The following EPAS1 variants were observed in gnomAD, a reference collection of about 807,000 sequenced individuals.
EPAS1 encodes the protein endothelial PAS domain protein 1.
EPAS1 carries 23 observed loss-of-function variants against 87.9 expected under a neutral mutation model. The ratio of observed to expected loss-of-function variants is 0.26; its 90% CI spans 0.19 to 0.37. The LOEUF (loss-of-function observed/expected upper bound fraction) is 0.37, where lower values mean the gene tolerates loss of function less well. EPAS1 is among the 10% of genes least tolerant of loss of function. The pLI is 1.00. For synonymous variants in EPAS1, 508 were observed against 444.3 expected (o/e 1.14, Z -1.80); for missense variants, 1,138 against 1,120.7 (o/e 1.02, Z -0.22).
chr2:46,359,281 A>AAAAAAAAAAAAAAAAC (rs1684337972), intron 4 of EPAS1, among the ~76,000 whole-genome samples: 1 of 148,862 alleles, frequency 6.7e-6, no homozygotes, highest in Non-Finnish European at 1.5e-5. Flanking sequence ...AAAAAAAAAA[A>AAAAAAAAAAAAAAAAC]GATCAAATGT....
At position 46,380,143 on chromosome 2, in the gene EPAS1, T is replaced by C. The variant is rs973129579; in HGVS notation, c.1555-84T>C. 5 of 1,594,930 alleles carry C rather than the reference T, an allele frequency of 3.1e-6. No homozygotes were observed. Among genetic ancestry groups the C allele is most frequent in the Non-Finnish European group, 4.3e-6 (5 of 1,176,354 alleles). ...ACTGTGAAACAGTGCTTGAGATGAATGGCTCTGCAGGAGCTGAGTTGGAAT... is the reference window on the plus strand; with the variant it reads ...ACTGTGAAACAGTGCTTGAGATGAACGGCTCTGCAGGAGCTGAGTTGGAAT... On this transcript the variant is annotated intron_variant, in intron 11 of 15. Coordinates refer to ENST00000263734, the MANE Select transcript of EPAS1 (RefSeq NM_001430.5). This position sits in a 1 kb window ranked among gnomAD's most constrained non-coding sequence, Gnocchi z 4.4.
At chr2:46,376,969 C>A (rs916190687) in intron 9 of EPAS1, among the ~76,000 whole-genome samples, 1 of 152,174 alleles carries the variant, frequency 6.6e-6, no homozygotes, top group Non-Finnish European at 1.5e-5. Flanking sequence ...TCCGACCTCA[C>A]CAAGTGCTGT....
At chr2:46,329,554 T>A (rs971945937) in intron 1 of EPAS1, among the ~76,000 whole-genome samples, 1 of 152,146 alleles carries the variant, frequency 6.6e-6, no homozygotes, top group African/African-American at 2.4e-5. Context: ...CCAGGCGTGG[T>A]GGCTCGCGCC....
rs144084397 is a variant in EPAS1 at position 46,355,511 on chromosome 2, A to G, written c.218-640A>G. 3.9e-5 allele frequency among the ~76,000 whole-genome samples: 6 copies of G among 152,340 alleles called. No individual in the cohort carries two copies. The East Asian group carries it at 1.2e-3, about 29-fold the overall frequency. On this transcript the variant is annotated intron_variant, in intron 2 of 15. Coordinates refer to ENST00000263734, the MANE Select transcript of EPAS1 (RefSeq NM_001430.5). Reference sequence around the variant, plus strand: ...CTTCATCTGTAAAATGAGATTAAGAATAGTAGCTACCTCGTCGGTCACTGT... The same window carrying G: ...CTTCATCTGTAAAATGAGATTAAGAGTAGTAGCTACCTCGTCGGTCACTGT...
In EPAS1 at chr2:46,347,212, CT is replaced by C; in HGVS notation, c.217+151del. 1 of 841,496 alleles carries C rather than the reference CT, an allele frequency of 1.2e-6. No individual in the cohort carries two copies. Among genetic ancestry groups the C allele is most frequent in the Non-Finnish European group, 2.0e-6 (1 of 510,938 alleles). The allele number at this position is 841,496 out of a possible 1,614,324, so 52.1% of individuals were successfully genotyped here. A position where few individuals can be genotyped will look rare whatever the true frequency, so the allele number is the denominator to read the frequency against. On this transcript the variant is annotated intron_variant, in intron 2 of 15. Transcript: ENST00000263734. The surrounding 1 kb of genome is among the most constrained non-coding windows in gnomAD (Gnocchi z 4.2). ...AAACACCATCATGAGTGATTTATTC[CT>C]TCATGTTAAACATCTCTCTTCCAGC...
At chr2:46,311,450 A>G (rs1282103432) in intron 1 of EPAS1, among the ~76,000 whole-genome samples, 2 of 152,144 alleles carry the variant, frequency 1.3e-5, no homozygotes. Flanking sequence ...AGCCCAAACT[A>G]AGGGACTAGT....
At chr2:46,316,839 A>G (rs1270404502) in intron 1 of EPAS1, among the ~76,000 whole-genome samples, 3 of 152,216 alleles carry the variant, frequency 2.0e-5, no homozygotes, top group African/African-American at 7.2e-5. Flanking sequence ...TACCCACAGT[A>G]AAACTTCCTT....
chr2:46,352,188 A>G (rs1684178297), intron 2 of EPAS1, among the ~76,000 whole-genome samples: 1 of 152,154 alleles, frequency 6.6e-6, no homozygotes, highest in Non-Finnish European at 1.5e-5. Flanking sequence ...AGGATGATTT[A>G]CAGACCCACT....
chr2:46,367,256 A>C (rs1006355477), intron 6 of EPAS1, among the ~76,000 whole-genome samples: 4 of 152,254 alleles, frequency 2.6e-5, no homozygotes, highest in Admixed American at 1.3e-4. Context: ...TAAAGATTCT[A>C]ATCTCGAAAG....
At chr2:46,319,974 G>A (rs1394704614) in intron 1 of EPAS1, among the ~76,000 whole-genome samples, 1 of 152,136 alleles carries the variant, frequency 6.6e-6, no homozygotes, top group Non-Finnish European at 1.5e-5. Context: ...AACAAAATTT[G>A]GCAACGGCAG....
At chr2:46,381,812 GCC>G in intron 13 of EPAS1, 90 bp downstream of exon 13, 1 of 1,585,682 alleles carries the variant, frequency 6.3e-7, no homozygotes, top group South Asian at 1.1e-5. Flanking sequence ...GCCCTTCCAA[GCC>G]AGCATAGCCC....
At chr2:46,314,432 A>G (rs1683274083) in intron 1 of EPAS1, among the ~76,000 whole-genome samples, 2 of 152,020 alleles carry the variant, frequency 1.3e-5, no homozygotes, top group Non-Finnish European at 1.5e-5. Context: ...CCCCATTTCT[A>G]CCCAGCCCTG....
chr2:46,376,703 T>C lies in EPAS1; in HGVS notation c.1199T>C (p.Leu400Pro). ...FTKLKEEPEE[L>P]AQLAPTPGDA... ...AAGCTAAAGGAGGAGCCCGAGGAGC[T>C]GGCCCAGCTGGCTCCCACCCCAGGA... is the stretch of plus-strand genomic sequence containing the variant. Residue 400 changes from leucine to proline, a missense_variant, in exon 9 of 16, where the codon CTG becomes CCG. By Grantham distance (98) the Leu-to-Pro change is moderately conservative (BLOSUM62 -3). Transcript: ENST00000263734. 3 of 1,613,342 alleles carry C rather than the reference T, an allele frequency of 1.9e-6. No homozygotes were observed. Among genetic ancestry groups the C allele is most frequent in the Non-Finnish European group, 2.5e-6 (3 of 1,179,974 alleles).
intron 1 of EPAS1, among the ~76,000 whole-genome samples, chr2:46,335,387 T>C (rs1683768463): frequency 6.7e-6 from 1 of 148,442 alleles, no homozygotes; most frequent in African/African-American, 2.5e-5. Context: ...CCCGGTTATG[T>C]GCACCCCCGC....
intron 1 of EPAS1, among the ~76,000 whole-genome samples, chr2:46,314,935 C>G (rs1251342935): frequency 1.3e-5 from 2 of 152,140 alleles, no homozygotes; most frequent in East Asian, 3.9e-4. Context: ...GTTGTGCTTG[C>G]AGGAGGGGTA....
rs112082335 is a variant in EPAS1 at position 46,322,565 on chromosome 2, A to G, written c.27-24308A>G. Among the ~76,000 whole-genome samples, 69 of 152,282 alleles carry G rather than the reference A, an allele frequency of 4.5e-4. 1 individual carries two copies. Among genetic ancestry groups the G allele is most frequent in the African/African-American group, 1.6e-3 (66 of 41,554 alleles). On this transcript the variant is annotated intron_variant, in intron 1 of 15. Transcript: ENST00000263734. ...GTGTGCATTTCTAACAAGTTCCTAG[A>G]TGATGATGATGTTGCTCATCCCTGG... is the stretch of plus-strand genomic sequence containing the variant.
chr2:46,317,461 G>A (rs1480324489), intron 1 of EPAS1, among the ~76,000 whole-genome samples: 2 of 152,198 alleles, frequency 1.3e-5, no homozygotes, highest in East Asian at 3.8e-4. Context: ...GAGTAACTAG[G>A]TGCATTGACA....
chr2:46,328,733 G>A (rs1683613043), intron 1 of EPAS1, among the ~76,000 whole-genome samples: 1 of 152,224 alleles, frequency 6.6e-6, no homozygotes, highest in Non-Finnish European at 1.5e-5. Context: ...GAACAGTGGG[G>A]AGGACAGATG....
chr2:46,384,345 C>G (rs1572651835), intron 15 of EPAS1, 164 bp from the exon 16 acceptor site: 2 of 981,364 alleles, frequency 2.0e-6, no homozygotes, highest in East Asian at 4.8e-5. Flanking sequence ...GTTCTGGAGG[C>G]AGACACGTTC....
Sources: allele counts gnomAD v4.1 joint callset (sites outside exome capture counted in the v4.1 genomes callset), GRCh38; gene constraint gnomAD v4.1.1; non-coding constraint Gnocchi (gnomAD v3.1); transcripts MANE v1.5; gene names NCBI Gene and HGNC (gene_info 2026-07-23, HGNC 2026-07-21).